The following ETFA variants were observed in gnomAD, a reference collection of about 807,000 sequenced individuals.
ETFA encodes the protein electron transfer flavoprotein subunit alpha.
In ETFA, 22 loss-of-function variants were observed where a neutral mutation model predicts 46.2. The observed-to-expected ratio is 0.48, with a 90% CI of 0.34 to 0.68. ETFA has a LOEUF of 0.68. ETFA is among the 30% of genes least tolerant of loss of function. The pLI is 0.01. For synonymous variants in ETFA, 131 were observed against 139.9 expected, an observed-to-expected ratio of 0.94 and a Z score of 0.45; for missense variants, 345 against 401.1, an observed-to-expected ratio of 0.86 and a Z score of 1.19.
At chr15:76,301,813 T>A (rs1174061739) in intron 1 of ETFA, among the ~76,000 whole-genome samples, 1 of 151,994 alleles carries the variant, frequency 6.6e-6, no homozygotes, top group Admixed American at 6.6e-5. Flanking sequence ...GATAAAAGAC[T>A]TATCTAAAAA....
At chr15:76,231,730 G>A (rs1000763971) in intron 9 of ETFA, among the ~76,000 whole-genome samples, 2 of 152,006 alleles carry the variant, frequency 1.3e-5, no homozygotes, top group Non-Finnish European at 2.9e-5. Context: ...TTCATCTGTG[G>A]CACTCACTTG....
At chr15:76,288,563 G>A (rs557813091) in intron 4 of ETFA, among the ~76,000 whole-genome samples, 6 of 151,958 alleles carry the variant, frequency 3.9e-5, no homozygotes, top group East Asian at 1.9e-4. Context: ...AAAATTAGCC[G>A]GGGATGGTGG....
intron 9 of ETFA, among the ~76,000 whole-genome samples, chr15:76,245,740 T>C (rs1314356383): frequency 6.6e-6 from 1 of 152,198 alleles, no homozygotes; most frequent in African/African-American, 2.4e-5. Context: ...TTCCCTGGCA[T>C]TAGAAAACAG....
intron 1 of ETFA, among the ~76,000 whole-genome samples, chr15:76,303,592 AT>A (rs2039904459): frequency 6.6e-6 from 1 of 152,224 alleles, no homozygotes; most frequent in African/African-American, 2.4e-5. Context: ...AATAACCAGA[AT>A]CTATAAGGAA....
At chr15:76,239,982 T>G (rs1694938559) in intron 9 of ETFA, among the ~76,000 whole-genome samples, 1 of 152,116 alleles carries the variant, frequency 6.6e-6, no homozygotes, top group Admixed American at 6.5e-5. Context: ...ACCACACACA[T>G]GCACCAGCTG....
At chr15:76,229,364 T>C (rs185888280) in intron 10 of ETFA, among the ~76,000 whole-genome samples, 6 of 152,348 alleles carry the variant, frequency 3.9e-5, no homozygotes, top group Admixed American at 3.3e-4. Flanking sequence ...TAGATGGAGA[T>C]ACAAAGTCTT....
chr15:76,266,147 C>T (rs564116057), intron 9 of ETFA, among the ~76,000 whole-genome samples: 4 of 152,314 alleles, frequency 2.6e-5, no homozygotes, highest in South Asian at 4.1e-4. Context: ...GTAATTCAAC[C>T]GATGGGCAAG....
At chr15:76,306,745 A>C (rs1337685051) in intron 1 of ETFA, among the ~76,000 whole-genome samples, 1 of 152,172 alleles carries the variant, frequency 6.6e-6, no homozygotes, top group Non-Finnish European at 1.5e-5. Flanking sequence ...TTAGTAATAA[A>C]ATATAGCAGC....
intron 9 of ETFA, among the ~76,000 whole-genome samples, chr15:76,263,240 A>G (rs1271817666): frequency 6.6e-6 from 1 of 152,102 alleles, no homozygotes; most frequent in African/African-American, 2.4e-5. Flanking sequence ...CCCTGGTCCC[A>G]CTTTCTTTCA....
intron 8 of ETFA, among the ~76,000 whole-genome samples, chr15:76,277,210 G>A (rs1000724328): frequency 6.6e-6 from 1 of 152,118 alleles, no homozygotes; most frequent in Non-Finnish European, 1.5e-5. Flanking sequence ...GGACAGGATG[G>A]CTAGAATGGC....
chr15:76,222,763 C>CTCACATGTG (rs2038970288), intron 11 of ETFA, among the ~76,000 whole-genome samples: 1 of 152,084 alleles, frequency 6.6e-6, no homozygotes, highest in Non-Finnish European at 1.5e-5. Context: ...GCTTGTGTTA[C>CTCACATGTG]TCACATGGTA....
In ETFA at chr15:76,246,048, T is replaced by C. The variant is rs571488684; in HGVS notation, c.817-14650A>G. Among the ~76,000 whole-genome samples the C allele has an allele frequency of 4.6e-5, 7 of 152,126 alleles. No individual in the cohort carries two copies. The South Asian group carries it at 1.5e-3, about 32-fold the overall frequency. On this transcript the variant is annotated intron_variant, in intron 9 of 11. Coordinates refer to ENST00000557943, the MANE Select transcript of ETFA (RefSeq NM_000126.4). ...AATTTCAAAACAAAATAAAACAAAA[T>C]CTCTTAGAAAACAAGGATTTATGAC... is the stretch of plus-strand genomic sequence containing the variant.
intron 7 of ETFA, 28 bp from the exon 8 acceptor site, chr15:76,283,853 T>C (rs1468185257): frequency 6.8e-7 from 1 of 1,459,926 alleles, no homozygotes; most frequent in Non-Finnish European, 9.6e-7. Flanking sequence ...AAAAAAAAAA[T>C]TAGGCAAACA....
intron 8 of ETFA, among the ~76,000 whole-genome samples, chr15:76,282,619 T>C (rs2141526806): frequency 6.6e-6 from 1 of 152,348 alleles, no homozygotes; most frequent in African/African-American, 2.4e-5. Flanking sequence ...ATAATGCCTT[T>C]ATTCTGACAA....
intron 10 of ETFA, among the ~76,000 whole-genome samples, chr15:76,226,541 G>A (rs1414007485): frequency 4.6e-5 from 7 of 151,826 alleles, no homozygotes; most frequent in Non-Finnish European, 7.4e-5. Context: ...CAGAGATCAC[G>A]CCACTGCACT....
rs773979569 is a variant in ETFA at position 76,240,608 on chromosome 15, A to G, written c.817-9210T>C. On this transcript the variant is annotated intron_variant, in intron 9 of 11. Coordinates refer to ENST00000557943, the MANE Select transcript of ETFA (RefSeq NM_000126.4). ...GACATTAACTATATTGTGAAACACA[A>G]TTCAAAAATTTAAATGTAAATCAGA... 2.0e-5 allele frequency among the ~76,000 whole-genome samples: 3 copies of G among 152,360 alleles called. No individual in the cohort carries two copies. The East Asian group carries it at 5.8e-4, about 29-fold the overall frequency.
chr15:76,231,181 G>C, intron 10 of ETFA, 152 bp downstream of exon 10: 1 of 663,098 alleles, frequency 1.5e-6, no homozygotes, highest in Non-Finnish European at 2.7e-6. Context: ...TTTTAAGGCA[G>C]TGAACGGTAG....
intron 9 of ETFA, chr15:76,261,004 T>C: frequency 6.2e-7 from 1 of 1,609,974 alleles, no homozygotes; most frequent in Non-Finnish European, 8.5e-7. Context: ...CTGGAAAGCT[T>C]TGTCACGGTG....
chr15:76,300,618 G>A (rs987989646), intron 1 of ETFA, among the ~76,000 whole-genome samples: 1 of 152,042 alleles, frequency 6.6e-6, no homozygotes, highest in Non-Finnish European at 1.5e-5. Context: ...TTCTCTCAGT[G>A]ATCGTTCCAT....
Sources: allele counts gnomAD v4.1 joint callset (sites outside exome capture counted in the v4.1 genomes callset), GRCh38; gene constraint gnomAD v4.1.1; transcripts MANE v1.5; gene names NCBI Gene and HGNC (gene_info 2026-07-23, HGNC 2026-07-21).